Variants in ADAMTSL1 observed in about 807,000 individuals in gnomAD.
ADAMTSL1 encodes ADAMTS like 1.
A neutral mutation model predicts 201.8 loss-of-function variants in ADAMTSL1; 126 were observed. That is an observed-to-expected ratio of 0.62 (90% CI 0.54 to 0.72). ADAMTSL1 has a LOEUF of 0.72. Ranked by LOEUF, ADAMTSL1 falls within the 30% of genes least tolerant of loss-of-function variation. The pLI, the probability that ADAMTSL1 is intolerant of heterozygous loss-of-function variation, is 0.00. For synonymous variants in ADAMTSL1, 1,121 were observed against 903.4 expected, an observed-to-expected ratio of 1.24 and a Z score of -4.32; for missense variants, 2,679 against 2,277.8, an observed-to-expected ratio of 1.18 and a Z score of -3.59.
chr9:18,104,797 A>G (rs1587060805), intron 1 of ADAMTSL1, among the ~76,000 whole-genome samples: 2 of 152,296 alleles, frequency 1.3e-5, no homozygotes, highest in African/African-American at 2.4e-5. Context: ...ATTCAATTCA[A>G]TCATTCAATT....
chr9:18,549,952 G>A (rs187801401), intron 3 of ADAMTSL1, among the ~76,000 whole-genome samples: 21 of 152,082 alleles, frequency 1.4e-4, no homozygotes, highest in Admixed American at 3.3e-4. Flanking sequence ...CAGGTGACTC[G>A]TATGCACATT....
At chr9:18,141,838 C>A (rs1319369404) in intron 1 of ADAMTSL1, among the ~76,000 whole-genome samples, 1 of 152,166 alleles carries the variant, frequency 6.6e-6, no homozygotes, top group Non-Finnish European at 1.5e-5. Context: ...GTATTTCAAA[C>A]TCAGGAAATT....
chr9:18,605,122 C>G (rs1021997062), intron 4 of ADAMTSL1, among the ~76,000 whole-genome samples: 5 of 152,122 alleles, frequency 3.3e-5, no homozygotes, highest in African/African-American at 1.2e-4. Flanking sequence ...TTTTTTCCCT[C>G]TTCTGCTCCC....
At chr9:18,404,986 C>A (rs571015248) in intron 2 of ADAMTSL1, among the ~76,000 whole-genome samples, 1 of 152,106 alleles carries the variant, frequency 6.6e-6, no homozygotes, top group African/African-American at 2.4e-5. Flanking sequence ...GTCTGGCCAA[C>A]AACTTTCTTG....
At chr9:18,205,374 C>A (rs945793257) in intron 2 of ADAMTSL1, among the ~76,000 whole-genome samples, 2 of 151,952 alleles carry the variant, frequency 1.3e-5, no homozygotes, top group African/African-American at 4.8e-5. Context: ...TTATAATTCC[C>A]AGAATTTGCA....
intron 1 of ADAMTSL1, among the ~76,000 whole-genome samples, chr9:17,970,380 C>G (rs745603399): frequency 6.6e-6 from 1 of 151,990 alleles, no homozygotes; most frequent in Non-Finnish European, 1.5e-5. Flanking sequence ...AGCATCTATG[C>G]CATTTCTGTG....
intron 2 of ADAMTSL1, among the ~76,000 whole-genome samples, chr9:18,345,032 T>C (rs1347181577): frequency 6.6e-6 from 1 of 152,134 alleles, no homozygotes; most frequent in African/African-American, 2.4e-5. Context: ...GCCAGGTGAC[T>C]CTGACCTCCT....
At chr9:18,108,180 A>C (rs1824844296) in intron 1 of ADAMTSL1, among the ~76,000 whole-genome samples, 1 of 151,278 alleles carries the variant, frequency 6.6e-6, no homozygotes, top group Non-Finnish European at 1.5e-5. Flanking sequence ...TTAACTCTTA[A>C]AAGCAAGAGT....
intron 2 of ADAMTSL1, among the ~76,000 whole-genome samples, chr9:18,320,905 C>A (rs1834590267): frequency 6.6e-6 from 1 of 150,998 alleles, no homozygotes. Flanking sequence ...CAAAAGAAGG[C>A]AAGAATAGGA....
At chr9:18,567,568 A>G (rs1247092195) in intron 3 of ADAMTSL1, among the ~76,000 whole-genome samples, 1 of 152,180 alleles carries the variant, frequency 6.6e-6, no homozygotes, top group Admixed American at 6.5e-5. Context: ...TCAGGGATTC[A>G]GGTTTGGACA....
chr9:18,331,196 A>G (rs1835014642), intron 2 of ADAMTSL1, among the ~76,000 whole-genome samples: 1 of 152,214 alleles, frequency 6.6e-6, no homozygotes, highest in Non-Finnish European at 1.5e-5. Flanking sequence ...CAATATGTTC[A>G]TGGAGAAGAG....
intron 21 of ADAMTSL1, among the ~76,000 whole-genome samples, chr9:18,823,240 C>T (rs892892544): frequency 6.6e-6 from 1 of 152,216 alleles, no homozygotes; most frequent in African/African-American, 2.4e-5. Flanking sequence ...CACTTAATTT[C>T]TCTTCCCTTG....
intron 1 of ADAMTSL1, among the ~76,000 whole-genome samples, chr9:18,499,011 A>C (rs1822690790): frequency 6.6e-6 from 1 of 152,242 alleles, no homozygotes; most frequent in Non-Finnish European, 1.5e-5. Flanking sequence ...GATGCTGAGA[A>C]AGCAAAAGGG....
chr9:18,856,370 A>T (rs1444123007), intron 23 of ADAMTSL1, among the ~76,000 whole-genome samples: 3 of 152,162 alleles, frequency 2.0e-5, no homozygotes, highest in Non-Finnish European at 4.4e-5. Flanking sequence ...ATAATTGGCT[A>T]ACTAAACTTA....
rs142719301 is a variant in ADAMTSL1, at chr9:18,114,795, A to G, written c.88-49067A>G. ...TGGAATGACTTTTGCACATGCAGGA[A>G]AAAGCACGTCTAAAGACAGTGGTGA... On this transcript the variant is annotated intron_variant, in intron 1 of 29. Coordinates refer to the ADAMTSL1 transcript ENST00000680146. Among the ~76,000 whole-genome samples, 639 of 152,260 alleles carry G rather than the reference A, an allele frequency of 4.2e-3. 7 individuals are homozygous for G. Among genetic ancestry groups the G allele is most frequent in the African/African-American group, 0.014 (595 of 41,558 alleles).
intron 1 of ADAMTSL1, among the ~76,000 whole-genome samples, chr9:18,059,005 G>C (rs536895082): frequency 6.6e-6 from 1 of 152,176 alleles, no homozygotes; most frequent in Non-Finnish European, 1.5e-5. Context: ...TCTCATTTAA[G>C]CCTAAGCAAT....
intron 2 of ADAMTSL1, among the ~76,000 whole-genome samples, chr9:18,414,051 T>C (rs991695512): frequency 2.0e-5 from 3 of 152,190 alleles, no homozygotes; most frequent in Admixed American, 2.0e-4. Flanking sequence ...CAGTGAGATG[T>C]TGGGTACAGC....
At chr9:18,891,577 TG>T (rs942428507) in intron 25 of ADAMTSL1, among the ~76,000 whole-genome samples, 22 of 152,368 alleles carry the variant, frequency 1.4e-4, no homozygotes, top group African/African-American at 5.1e-4. Flanking sequence ...GTCTCACTTT[TG>T]GAACCTAACA....
chr9:18,485,066 TTC>T (rs1238911681), intron 1 of ADAMTSL1, among the ~76,000 whole-genome samples: 1 of 152,208 alleles, frequency 6.6e-6, no homozygotes, highest in African/African-American at 2.4e-5. Flanking sequence ...AATTATCTAA[TTC>T]TCATAAGAAC....
Sources: allele counts gnomAD v4.1 joint callset (sites outside exome capture counted in the v4.1 genomes callset), GRCh38; gene constraint gnomAD v4.1.1; transcripts MANE v1.5; gene names NCBI Gene and HGNC (gene_info 2026-07-23, HGNC 2026-07-21).